The following AGPAT3 variants were observed in gnomAD, a reference collection of about 807,000 sequenced individuals.
AGPAT3 encodes the protein 1-acylglycerol-3-phosphate O-acyltransferase 3.
In AGPAT3, 5 loss-of-function variants were observed where a neutral mutation model predicts 47.3. The observed-to-expected ratio is 0.11, with a 90% CI of 0.06 to 0.22. AGPAT3 has a LOEUF of 0.22. Ranked by LOEUF, AGPAT3 falls within the 10% of genes least tolerant of loss-of-function variation. The pLI, the probability that AGPAT3 is intolerant of heterozygous loss-of-function variation, is 1.00. For missense variants in AGPAT3, 315 were observed against 493.0 expected (o/e 0.64, Z 3.42); for synonymous variants, 212 against 208.3 (o/e 1.02, Z -0.15).
intron 2 of AGPAT3, among the ~76,000 whole-genome samples, chr21:43,907,709 T>A (rs2086535712): frequency 6.6e-6 from 1 of 152,114 alleles, no homozygotes; most frequent in South Asian, 2.1e-4. Flanking sequence ...AGAGCGAGAC[T>A]CCGTCTCAAC....
At chr21:43,887,715 C>T (rs926850352) in intron 1 of AGPAT3, among the ~76,000 whole-genome samples, 2 of 152,172 alleles carry the variant, frequency 1.3e-5, no homozygotes, top group African/African-American at 4.8e-5. Flanking sequence ...AGTGTAGTGG[C>T]GTGATCTTAG....
chr21:43,966,766 G>A (rs780518848), intron 3 of AGPAT3: 2 of 152,230 alleles, frequency 1.3e-5, no homozygotes, highest in Non-Finnish European at 2.9e-5. Context: ...CAATGGCCTT[G>A]CAGAAAGCCC....
In AGPAT3 at chr21:43,969,133, G is replaced by T; in HGVS notation, c.364G>T (p.Ala122Ser). 6.2e-7 allele frequency: 1 copy of T among 1,614,154 alleles called. No individual in the cohort carries two copies. Among genetic ancestry groups the T allele is most frequent in the Non-Finnish European group, 8.5e-7 (1 of 1,180,012 alleles). The change falls in exon 5 of 10, where the codon GCT becomes TCT. Residue 122 changes from alanine to serine, a missense_variant. Ala to Ser is a moderately conservative substitution (Grantham distance 99, BLOSUM62 1). Transcript: ENST00000291572. ...FGVLGSSKVL[A>S]KKELLYVPLI... ...CTCCCTCCAGAGCTCCAAGGTCCTC[G>T]CTAAGAAGGAGCTGCTCTACGTGCC...
Position 43,976,554 on chromosome 21 carries a change from C to T in AGPAT3, c.768-1492C>T, listed in dbSNP as rs147933565. On this transcript the variant is annotated intron_variant, in intron 7 of 9. Coordinates refer to ENST00000291572, the MANE Select transcript of AGPAT3 (RefSeq NM_020132.5). ...CTGTAAGGCAAGATTTTATGAATTTCGTATAACTTTCATAATTGTTTTGAA... is the reference window on the plus strand; with the variant it reads ...CTGTAAGGCAAGATTTTATGAATTTTGTATAACTTTCATAATTGTTTTGAA... Among the ~76,000 whole-genome samples the T allele has an allele frequency of 8.5e-5, 13 of 152,282 alleles. No homozygotes were observed. The East Asian group carries it at 2.5e-3, about 29-fold the overall frequency.
intron 2 of AGPAT3, among the ~76,000 whole-genome samples, chr21:43,918,799 A>AT (rs2086822526): frequency 6.6e-6 from 1 of 151,260 alleles, no homozygotes; most frequent in African/African-American, 2.4e-5. Flanking sequence ...CTGGTCTTGA[A>AT]CTCCTGGCCT....
In AGPAT3 at chr21:43,981,760, C is replaced by G. The variant is rs988088712; in HGVS notation, c.1043-544C>G. ...GAGACACAGTCCGTGTGCATCGCCC[C>G]GTGAGCCGACTCCCCAGGCCCAGCA... On this transcript the variant is annotated intron_variant, in intron 9 of 9. Coordinates refer to ENST00000291572, the MANE Select transcript of AGPAT3 (RefSeq NM_020132.5). This position sits in a 1 kb window ranked among gnomAD's most constrained non-coding sequence, Gnocchi z 5.3. Among the ~76,000 whole-genome samples the G allele has an allele frequency of 2.6e-5, 4 of 152,042 alleles. No homozygotes were observed. Among genetic ancestry groups the G allele is most frequent in the Non-Finnish European group, 4.4e-5 (3 of 67,986 alleles).
chr21:43,921,910 AGGTGTGG>A (rs1272139596), intron 2 of AGPAT3, among the ~76,000 whole-genome samples: 1 of 151,872 alleles, frequency 6.6e-6, no homozygotes, highest in African/African-American at 2.4e-5. Flanking sequence ...TCCCCCACCA[AGGTGTGG>A]GGTGAGTGTG....
chr21:43,909,043 C>G (rs2086568410), intron 2 of AGPAT3, among the ~76,000 whole-genome samples: 1 of 152,220 alleles, frequency 6.6e-6, no homozygotes, highest in African/African-American at 2.4e-5. Context: ...AATAGGACTT[C>G]ATTCGTTGAT....
chr21:43,986,986 G>T lies in AGPAT3; in HGVS notation c.*4594G>T, dbSNP rs117550022. ...GTGTCCCAAAGGCCTGGCTGCGTTT[G>T]CCGTGCTGTGCGAGGACCTGTGTAC... On this transcript the variant is annotated 3_prime_UTR_variant, in exon 10 of 10. Transcript: ENST00000291572. Among the ~76,000 whole-genome samples the T allele has an allele frequency of 0.016, 2,507 of 152,332 alleles. 37 individuals carry two copies. The highest frequency in any genetic ancestry group is 0.027 in the Non-Finnish European group (1,856 of 68,030).
intron 2 of AGPAT3, among the ~76,000 whole-genome samples, chr21:43,912,654 A>C (rs950588666): frequency 6.6e-6 from 1 of 152,202 alleles, no homozygotes; most frequent in Admixed American, 6.5e-5. Context: ...CCTGAGTCTA[A>C]ATGCAAATCA....
intron 1 of AGPAT3, among the ~76,000 whole-genome samples, chr21:43,892,340 C>T (rs1054825444): frequency 1.2e-4 from 18 of 152,190 alleles, no homozygotes; most frequent in African/African-American, 4.3e-4. Flanking sequence ...GAAATTACTC[C>T]TTGATCCATG....
intron 2 of AGPAT3, among the ~76,000 whole-genome samples, chr21:43,957,171 G>A (rs911525233): frequency 2.7e-5 from 4 of 149,686 alleles, no homozygotes; most frequent in Admixed American, 6.7e-5. Flanking sequence ...TCAAGGCAGC[G>A]CCTGCAAATC....
At chr21:43,879,782 A>G (rs1366876084) in intron 1 of AGPAT3, among the ~76,000 whole-genome samples, 1 of 152,162 alleles carries the variant, frequency 6.6e-6, no homozygotes, top group Non-Finnish European at 1.5e-5. Context: ...GATGGCACTT[A>G]GGGAAGAGTG....
At position 43,884,611 on chromosome 21, in the gene AGPAT3, T is replaced by G. The variant is rs552928995; in HGVS notation, c.-112+19266T>G. 2.0e-5 allele frequency among the ~76,000 whole-genome samples: 3 copies of G among 151,418 alleles called. No homozygotes were observed. The East Asian group carries it at 5.8e-4, about 29-fold the overall frequency. ...GCAGGGGTGCTGTGGTGCTGAATGC[T>G]GGGGTGCCCTGGTGCTGGACGTTGG... On this transcript the variant is annotated intron_variant, in intron 1 of 9. Transcript: ENST00000291572.
chr21:43,978,180 T>A, intron 8 of AGPAT3, 59 bp downstream of exon 8: 1 of 1,516,878 alleles, frequency 6.6e-7, no homozygotes. Context: ...GTGGAAGGGG[T>A]GCTGGCGAGC....
At chr21:43,907,276 G>T (rs1274444882) in intron 2 of AGPAT3, among the ~76,000 whole-genome samples, 1 of 152,042 alleles carries the variant, frequency 6.6e-6, no homozygotes, top group East Asian at 1.9e-4. Context: ...CCCATCTGCC[G>T]GCCTCGGCCT....
intron 3 of AGPAT3, among the ~76,000 whole-genome samples, chr21:43,963,993 A>G (rs2089005274): frequency 6.6e-6 from 1 of 152,174 alleles, no homozygotes; most frequent in African/African-American, 2.4e-5. Context: ...GATGTGTTTC[A>G]GTAAGAACAA....
intron 1 of AGPAT3, among the ~76,000 whole-genome samples, chr21:43,898,032 G>A (rs2086268371): frequency 6.6e-6 from 1 of 152,222 alleles, no homozygotes; most frequent in Non-Finnish European, 1.5e-5. Flanking sequence ...TCAGCAGGCT[G>A]AGGCAGGAGA....
intron 5 of AGPAT3, among the ~76,000 whole-genome samples, chr21:43,969,941 C>T (rs1470828757): frequency 2.0e-5 from 3 of 151,612 alleles, no homozygotes; most frequent in East Asian, 1.9e-4. Context: ...TCAGGTGATC[C>T]GCCCACCTTG....
Sources: gnomAD v4.1 joint callset for allele counts (sites outside exome capture counted in the v4.1 genomes callset) on GRCh38, gnomAD v4.1.1 for gene constraint, Gnocchi (gnomAD v3.1) non-coding constraint, MANE v1.5 for transcripts, NCBI Gene and HGNC (gene_info 2026-07-23, HGNC 2026-07-21) for gene names.